Variants in CCDC3 observed in about 807,000 individuals in gnomAD.
CCDC3 encodes the protein coiled-coil domain-containing protein 3.
Under a neutral mutation model 21.4 loss-of-function variants are expected in CCDC3, and 24 were observed. The observed-to-expected ratio is 1.12, with a 90% CI of 0.81 to 1.58. CCDC3 has a LOEUF of 1.58. Ranked by LOEUF, CCDC3 falls within the 40% of genes most tolerant of loss-of-function variation. CCDC3 has a pLI of 0.00. For synonymous variants in CCDC3, 186 were observed against 166.0 expected, an observed-to-expected ratio of 1.12 and a Z score of -0.93; for missense variants, 425 against 360.9, an observed-to-expected ratio of 1.18 and a Z score of -1.44.
chr10:12,992,786 C>G (rs1342739663), intron 2 of CCDC3, among the ~76,000 whole-genome samples: 3 of 152,064 alleles, frequency 2.0e-5, no homozygotes, highest in Admixed American at 2.0e-4. Context: ...ACCACCTGTT[C>G]CCTAGAACTG....
At chr10:13,083,023 A>G (rs1025494657) in intron 3 of CCDC3, among the ~76,000 whole-genome samples, 14 of 152,138 alleles carry the variant, frequency 9.2e-5, no homozygotes, top group Non-Finnish European at 1.9e-4. Flanking sequence ...TGCTGCCCAC[A>G]CAGCCTCCAT....
At chr10:13,089,156 A>G (rs1439582609) in intron 3 of CCDC3, among the ~76,000 whole-genome samples, 1 of 152,208 alleles carries the variant, frequency 6.6e-6, no homozygotes, top group African/African-American at 2.4e-5. Context: ...AATACATCTT[A>G]GAGCTTACAG....
At chr10:12,977,377 C>G (rs1835433263) in intron 2 of CCDC3, among the ~76,000 whole-genome samples, 1 of 152,052 alleles carries the variant, frequency 6.6e-6, no homozygotes, top group Admixed American at 6.6e-5. Flanking sequence ...GTAAGCAGTG[C>G]CCTCTAAATT....
At chr10:12,975,323 C>T (rs544432212) in intron 2 of CCDC3, among the ~76,000 whole-genome samples, 1 of 152,286 alleles carries the variant, frequency 6.6e-6, no homozygotes, top group South Asian at 2.1e-4. Flanking sequence ...CCCATGGAAA[C>T]AAACCAAGAT....
intron 2 of CCDC3, among the ~76,000 whole-genome samples, chr10:12,919,004 C>T (rs745830605): frequency 7.2e-5 from 11 of 151,864 alleles, no homozygotes; most frequent in East Asian, 3.9e-4. Flanking sequence ...TGCAGTGAGC[C>T]GAGATTGTGC....
chr10:12,914,021 CAG>C (rs957574098), intron 2 of CCDC3, among the ~76,000 whole-genome samples: 2 of 152,120 alleles, frequency 1.3e-5, no homozygotes, highest in Non-Finnish European at 2.9e-5. Context: ...CTACGTTCAT[CAG>C]AGATTTTTGG....
rs574137890 is a variant in CCDC3 at position 13,025,781 on chromosome 10, C to T, written c.-2+23893G>A. On this transcript the variant is annotated intron_variant, in intron 5 of 6. Transcript: ENST00000378839. ...TCACTCTCAGATCAAGAACACTTTG[C>T]AGAAAAGGAGTAAGACACAAAACAG... Among the ~76,000 whole-genome samples, 178 of 152,244 alleles carry T rather than the reference C, an allele frequency of 1.2e-3. 1 individual carries two copies. The highest frequency in any genetic ancestry group is 0.011 in the South Asian group (53 of 4,826).
At chr10:12,990,055 A>G (rs1589032630) in intron 2 of CCDC3, among the ~76,000 whole-genome samples, 16 of 152,072 alleles carry the variant, frequency 1.1e-4, no homozygotes. Context: ...GATCGAGACC[A>G]TCCTGGCTAA....
intron 4 of CCDC3, among the ~76,000 whole-genome samples, chr10:13,061,879 ACT>A (rs1211149410): frequency 6.6e-6 from 1 of 152,052 alleles, no homozygotes; most frequent in Admixed American, 6.5e-5. Flanking sequence ...AAGGTGCTGG[ACT>A]CTCAGTTAAT....
chr10:13,038,648 G>A (rs559068604), intron 5 of CCDC3, among the ~76,000 whole-genome samples: 1 of 152,346 alleles, frequency 6.6e-6, no homozygotes, highest in African/African-American at 2.4e-5. Context: ...CCTGGCTTCT[G>A]TCTACCCAGC....
chr10:12,929,360 T>C (rs72775700), intron 2 of CCDC3, among the ~76,000 whole-genome samples: 3,224 of 152,028 alleles, frequency 0.021, 44 homozygotes, highest in Middle Eastern at 0.055. Context: ...TGTCTTTAAG[T>C]CACCAAAACA....
chr10:12,970,583 TAA>T (rs1835327106), intron 2 of CCDC3, among the ~76,000 whole-genome samples: 1 of 152,100 alleles, frequency 6.6e-6, no homozygotes, highest in Admixed American at 6.6e-5. Context: ...TTAAATAAAT[TAA>T]AAGTCAGTCT....
intron 5 of CCDC3, among the ~76,000 whole-genome samples, chr10:13,046,355 G>T (rs1389909757): frequency 6.6e-6 from 1 of 151,382 alleles, no homozygotes; most frequent in Non-Finnish European, 1.5e-5. Context: ...GCAGTGAGCC[G>T]TGATCGCGTC....
intron 4 of CCDC3, among the ~76,000 whole-genome samples, chr10:13,052,983 CA>C (rs1836631674): frequency 2.5e-5 from 2 of 81,286 alleles, no homozygotes; most frequent in African/African-American, 9.9e-5. Flanking sequence ...CACACACACA[CA>C]CATACACACA....
chr10:13,078,582 T>A (rs1339474417), intron 3 of CCDC3, among the ~76,000 whole-genome samples: 1 of 152,194 alleles, frequency 6.6e-6, no homozygotes, highest in Non-Finnish European at 1.5e-5. Flanking sequence ...GCGGCACTAT[T>A]CACAATAACA....
chr10:12,962,518 G>A (rs1835195036), intron 2 of CCDC3, among the ~76,000 whole-genome samples: 1 of 152,180 alleles, frequency 6.6e-6, no homozygotes, highest in African/African-American at 2.4e-5. Flanking sequence ...CAGGAGAATT[G>A]CTTGAACCTG....
chr10:13,030,171 A>G (rs954613159), intron 5 of CCDC3, among the ~76,000 whole-genome samples: 10 of 152,254 alleles, frequency 6.6e-5, no homozygotes, highest in Non-Finnish European at 1.2e-4. Context: ...GCCAGAAGAG[A>G]GTGGGAGCTA....
Position 12,902,035 on chromosome 10 carries a change from C to T in CCDC3, c.550-3356G>A, listed in dbSNP as rs932225840. On this transcript the variant is annotated intron_variant, in intron 2 of 2. Transcript: ENST00000378825. ...GTCCCCCTCCCCAGTCTCCATGGCA[C>T]GCCGTAGCTATTCACACCACACGCC... 4.6e-5 allele frequency among the ~76,000 whole-genome samples: 7 copies of T among 152,182 alleles called. No homozygotes were observed. The East Asian group carries it at 5.8e-4, about 13-fold the overall frequency.
In CCDC3 at chr10:13,057,961, T is replaced by C. The variant is rs983637159; in HGVS notation, c.-269-8020A>G. The C allele has an allele frequency of 1.4e-5, 9 of 622,812 alleles. No individual in the cohort carries two copies. In the African/African-American group the frequency reaches 1.5e-4, roughly 10 times the overall value. The allele number at this position is 622,812 out of a possible 1,614,324, so 38.6% of individuals were successfully genotyped here. A position where few individuals can be genotyped will look rare whatever the true frequency, so the allele number is the denominator to read the frequency against. On this transcript the variant is annotated intron_variant, in intron 4 of 6. Transcript: ENST00000378839. The stretch of plus-strand genomic sequence containing the variant: ...ATATAGCAGCATGAGCTTTCTTGTG[T>C]ATCTCCTCCATCATGTCTGGAGTTA...
Sources: allele counts gnomAD v4.1 joint callset (sites outside exome capture counted in the v4.1 genomes callset), GRCh38; gene constraint gnomAD v4.1.1; transcripts MANE v1.5; gene names NCBI Gene and HGNC (gene_info 2026-07-23, HGNC 2026-07-21).